The following OSBPL9 variants were observed in gnomAD, a reference collection of about 807,000 sequenced individuals.
The protein encoded by OSBPL9 is oxysterol-binding protein-related protein 9.
In OSBPL9, 40 loss-of-function variants were observed where a neutral mutation model predicts 106.6. That is an observed-to-expected ratio of 0.38 (90% confidence interval 0.29 to 0.49). The LOEUF is 0.49. OSBPL9 is among the 20% of genes least tolerant of loss of function. The pLI is 0.97. For synonymous variants in OSBPL9, 269 were observed against 295.4 expected, an observed-to-expected ratio of 0.91 and a Z score of 0.92; for missense variants, 609 against 887.2, an observed-to-expected ratio of 0.69 and a Z score of 3.98.
chr1:51,781,171 G>T lies in OSBPL9; in HGVS notation c.1264G>T (p.Asp422Tyr). ...TGTCTTTCTCCCTTGCAGCATTAGT[G>T]ACCAGAAGGATCCCAAGGATCGAAT... The part of the protein sequence containing the change: ...AHPDLFVSIS[D>Y]QKDPKDRMVQ... Residue 422 changes from aspartate to tyrosine, a missense_variant, in exon 16 of 24, where the codon GAC becomes TAC. By Grantham distance (160) the Asp-to-Tyr change is radical (BLOSUM62 -3). This residue lies in a region of OSBPL9 where 356 missense variants were observed against 505.8 expected (regional missense o/e 0.70). Coordinates refer to ENST00000428468, the MANE Select transcript of OSBPL9 (RefSeq NM_024586.6). 6.2e-7 allele frequency: 1 copy of T among 1,613,914 alleles called. No individual in the cohort carries two copies. Among genetic ancestry groups the T allele is most frequent in the South Asian group, 1.1e-5 (1 of 91,034 alleles).
At chr1:51,649,357 C>T (rs1646365189) in intron 1 of OSBPL9, among the ~76,000 whole-genome samples, 1 of 152,148 alleles carries the variant, frequency 6.6e-6, no homozygotes, top group Non-Finnish European at 1.5e-5. Flanking sequence ...GTGATCTGCC[C>T]ACCTCAGTCT....
intron 3 of OSBPL9, among the ~76,000 whole-genome samples, chr1:51,676,973 C>G (rs553378387): frequency 2.3e-4 from 35 of 152,198 alleles, no homozygotes; most frequent in Non-Finnish European, 4.3e-4. Context: ...ACATTACTTA[C>G]ATAATTCCTA....
At position 51,579,856 on chromosome 1, in the gene OSBPL9, AAATAATAATAAT is replaced by A. The variant is rs34556128; in HGVS notation, c.-423+2622_-423+2633del. Among the ~76,000 whole-genome samples the A allele has an allele frequency of 1.2e-3, 177 of 143,838 alleles. 1 individual carries two copies. The highest frequency in any genetic ancestry group is 3.6e-3 in the Admixed American group (52 of 14,310). 94.4% of individuals were successfully genotyped at this position (143,838 alleles called of 152,430 possible). ...GGCGACAGAGTGAGACTCTGTCTCA[AAATAATAATAAT>A]AATAATAATAATAATAATAATTTAA... On this transcript the variant is annotated intron_variant, in intron 1 of 25. Transcript: ENST00000371714.
Position 51,728,015 on chromosome 1 carries a change from A to C in OSBPL9, c.318+13936A>C, listed in dbSNP as rs561133098. Reference sequence around the variant, plus strand: ...GTGTGGGGATTGATGTCAAGGGGACAGTATAAAAGAAATAACAGCATGCGC... The same window carrying C: ...GTGTGGGGATTGATGTCAAGGGGACCGTATAAAAGAAATAACAGCATGCGC... On this transcript the variant is annotated intron_variant, in intron 4 of 23. Transcript: ENST00000428468. 1.9e-4 allele frequency among the ~76,000 whole-genome samples: 29 copies of C among 152,338 alleles called. No homozygotes were observed. In the South Asian group the frequency reaches 2.9e-3, roughly 15 times the overall value.
intron 1 of OSBPL9, among the ~76,000 whole-genome samples, chr1:51,622,657 G>T (rs1557597330): frequency 6.6e-6 from 1 of 152,160 alleles, no homozygotes; most frequent in Non-Finnish European, 1.5e-5. Context: ...TTGGAAGGTG[G>T]CCTCATTCCT....
At chr1:51,687,055 G>A (rs1001354407) in intron 3 of OSBPL9, among the ~76,000 whole-genome samples, 9 of 152,174 alleles carry the variant, frequency 5.9e-5, no homozygotes, top group Non-Finnish European at 1.0e-4. Flanking sequence ...AGCAGGGCTC[G>A]AAACACCTTA....
At position 51,729,872 on chromosome 1, in the gene OSBPL9, C is replaced by T. The variant is rs1663939049; in HGVS notation, c.319-15664C>T. The stretch of plus-strand genomic sequence containing the variant: ...GCTGAACCTCAGTCAGGACCGCCTG[C>T]ACCGCAGTCCGGGGATCGGGTCGAG... On this transcript the variant is annotated intron_variant, in intron 4 of 23. Coordinates refer to ENST00000428468, the MANE Select transcript of OSBPL9 (RefSeq NM_024586.6). The surrounding 1 kb of genome is among the most constrained non-coding windows in gnomAD (Gnocchi z 5.1). The T allele has an allele frequency of 2.4e-6, 3 of 1,253,282 alleles. No homozygotes were observed. 77.6% of individuals were successfully genotyped at this position (1,253,282 alleles called of 1,614,324 possible).
chr1:51,583,807 G>A (rs1479310654), intron 1 of OSBPL9: 1 of 152,086 alleles, frequency 6.6e-6, no homozygotes, highest in Admixed American at 6.6e-5. Context: ...CTTTGGCCAA[G>A]TTTTCATATT....
intron 3 of OSBPL9, among the ~76,000 whole-genome samples, chr1:51,694,272 TAGTG>T (rs1295140464): frequency 4.6e-5 from 7 of 152,184 alleles, no homozygotes; most frequent in African/African-American, 1.7e-4. Flanking sequence ...CCCAAACAAA[TAGTG>T]AGAAGAATGG....
chr1:51,661,095 G>A (rs1381102974), intron 2 of OSBPL9, among the ~76,000 whole-genome samples: 3 of 152,206 alleles, frequency 2.0e-5, no homozygotes, highest in Non-Finnish European at 4.4e-5. Flanking sequence ...CTATGTGAAT[G>A]TAAATAGACT....
chr1:51,713,190 C>T (rs905375447), intron 3 of OSBPL9, among the ~76,000 whole-genome samples: 1 of 152,000 alleles, frequency 6.6e-6, no homozygotes, highest in Non-Finnish European at 1.5e-5. Flanking sequence ...CCCTCTGTTG[C>T]CCAGGCTGGA....
chr1:51,634,703 A>G (rs948548349), intron 1 of OSBPL9, among the ~76,000 whole-genome samples: 2 of 152,164 alleles, frequency 1.3e-5, no homozygotes, highest in Admixed American at 6.6e-5. Context: ...AGGAGGAAAC[A>G]TGGTGTATTA....
chr1:51,726,907 T>C (rs1663219865), intron 4 of OSBPL9, among the ~76,000 whole-genome samples: 1 of 152,228 alleles, frequency 6.6e-6, no homozygotes, highest in Non-Finnish European at 1.5e-5. Context: ...TACTTTTTAT[T>C]TTAAATGCTA....
chr1:51,743,260 G>A (rs1174382987), intron 4 of OSBPL9, among the ~76,000 whole-genome samples: 2 of 152,112 alleles, frequency 1.3e-5, no homozygotes, highest in Non-Finnish European at 2.9e-5. Flanking sequence ...GTAGATCTTT[G>A]GCTTGGACCT....
At chr1:51,682,189 G>GC (rs1307406914) in intron 3 of OSBPL9, among the ~76,000 whole-genome samples, 2 of 151,852 alleles carry the variant, frequency 1.3e-5, no homozygotes, top group African/African-American at 4.8e-5. Context: ...GGGCGACAGA[G>GC]CAAGACTCCG....
chr1:51,718,808 T>G (rs1286573920), intron 4 of OSBPL9, among the ~76,000 whole-genome samples: 5 of 152,230 alleles, frequency 3.3e-5, no homozygotes, highest in Admixed American at 2.6e-4. Flanking sequence ...ATGAAGGCTT[T>G]CTTCTTCAAC....
intron 1 of OSBPL9, among the ~76,000 whole-genome samples, chr1:51,636,708 G>A (rs889695218): frequency 2.6e-5 from 4 of 152,102 alleles, no homozygotes; most frequent in Non-Finnish European, 5.9e-5. Flanking sequence ...TTAGCATTTT[G>A]GGAGGCCAAG....
the OSBPL9 span, among the ~76,000 whole-genome samples, chr1:51,520,928 G>T: frequency 1.3e-5 from 2 of 152,238 alleles, no homozygotes; most frequent in African/African-American, 4.8e-5. Context: ...GAGAATAAGA[G>T]ATACTGTTTT....
upstream of OSBPL9, among the ~76,000 whole-genome samples, chr1:51,613,454 AGTTT>A (rs1269409738): frequency 6.6e-6 from 1 of 152,234 alleles, no homozygotes; most frequent in Non-Finnish European, 1.5e-5. Context: ...TACCTGGGTA[AGTTT>A]GTTCATTTCT....
Sources: gnomAD v4.1 joint callset for allele counts (sites outside exome capture counted in the v4.1 genomes callset) on GRCh38, gnomAD v4.1.1 for gene constraint, gnomAD v4.1.1 regional missense constraint, Gnocchi (gnomAD v3.1) non-coding constraint, MANE v1.5 for transcripts, NCBI Gene and HGNC (gene_info 2026-07-23, HGNC 2026-07-21) for gene names.